PDE4B: variants seen among roughly 807,000 people sequenced by gnomAD.
PDE4B encodes 3',5'-cyclic-AMP phosphodiesterase 4B.
In PDE4B, 20 loss-of-function variants were observed where a neutral mutation model predicts 82.2. The ratio of observed to expected loss-of-function variants is 0.24; its 90% CI spans 0.17 to 0.35. The LOEUF is 0.35. Among genes scored for constraint, PDE4B ranks in the 10% least tolerant of loss-of-function variants. PDE4B has a pLI of 1.00. For synonymous variants in PDE4B, 320 were observed against 318.9 expected, an observed-to-expected ratio of 1.00 and a Z score of -0.04; for missense variants, 655 against 907.2, an observed-to-expected ratio of 0.72 and a Z score of 3.57.
At chr1:66,037,949 G>A (rs1161560913) in intron 3 of PDE4B, among the ~76,000 whole-genome samples, 1 of 151,930 alleles carries the variant, frequency 6.6e-6, no homozygotes, top group Non-Finnish European at 1.5e-5. Context: ...ATTAGAAATG[G>A]AAGATATTAA....
intron 3 of PDE4B, among the ~76,000 whole-genome samples, chr1:66,101,587 G>C (rs1244191577): frequency 6.6e-6 from 1 of 152,152 alleles, no homozygotes; most frequent in Non-Finnish European, 1.5e-5. Flanking sequence ...GGCCAGTGAT[G>C]ATGAGCATTT....
intron 3 of PDE4B, among the ~76,000 whole-genome samples, chr1:66,067,024 T>C (rs145327980): frequency 6.6e-6 from 1 of 152,028 alleles, no homozygotes; most frequent in South Asian, 2.1e-4. Flanking sequence ...CAACAAAAAG[T>C]AGATTGCTGA....
chr1:66,332,269 C>T (rs993547759), intron 7 of PDE4B: 41 of 1,487,486 alleles, frequency 2.8e-5, no homozygotes, highest in Admixed American at 4.6e-5. Context: ...GGTAGATCAC[C>T]GACACCTCAT....
chr1:66,364,258 A>G (rs1255026855), intron 12 of PDE4B, among the ~76,000 whole-genome samples: 3 of 152,208 alleles, frequency 2.0e-5, no homozygotes, highest in Non-Finnish European at 4.4e-5. Flanking sequence ...GTCTCCTAAA[A>G]AATTATAAAA....
chr1:66,346,224 A>G (rs1292842330), intron 8 of PDE4B, among the ~76,000 whole-genome samples: 1 of 152,240 alleles, frequency 6.6e-6, no homozygotes, highest in South Asian at 2.1e-4. Flanking sequence ...TGAGCCACAT[A>G]TTCAATTAAT....
At position 66,363,432 on chromosome 1, in the gene PDE4B, GA is replaced by G; in HGVS notation, c.1147del (p.Ile383SerfsTer7). 1 of 1,613,180 alleles carries G rather than the reference GA, an allele frequency of 6.2e-7. No homozygotes were observed. The highest frequency in any genetic ancestry group is 8.5e-7 in the Non-Finnish European group (1 of 1,179,430). On this transcript the variant is annotated frameshift_variant, in exon 12 of 17. Coordinates refer to ENST00000341517, the MANE Select transcript of PDE4B (RefSeq NM_002600.4). LOFTEE classifies it high-confidence loss of function. ...GAAAGAGACCTCCTAAAGACATTCA[GA>G]ATCTCATCTGACACATTTATAACCT... Reference protein sequence around the residue: ...FQERDLLKTFRISSDTFITYM... With the variant: ...FQERDLLKTFXISSDTFITYM...
chr1:65,859,595 A>G (rs1302840489), intron 1 of PDE4B, among the ~76,000 whole-genome samples: 1 of 152,114 alleles, frequency 6.6e-6, no homozygotes, highest in African/African-American at 2.4e-5. Context: ...AAAATGAACG[A>G]TTGGTCGTCA....
chr1:66,046,803 CT>C (rs1440072484), intron 3 of PDE4B, among the ~76,000 whole-genome samples: 5 of 151,950 alleles, frequency 3.3e-5, no homozygotes, highest in Admixed American at 6.6e-5. Flanking sequence ...TATTATCCCC[CT>C]CTGCTATTCA....
At chr1:66,311,737 T>C (rs1381952057) in intron 7 of PDE4B, among the ~76,000 whole-genome samples, 2 of 152,236 alleles carry the variant, frequency 1.3e-5, no homozygotes, top group Non-Finnish European at 2.9e-5. Flanking sequence ...CCAGCATCAT[T>C]TTCTCATTTC....
At chr1:65,982,775 G>T (rs570652181) in intron 3 of PDE4B, among the ~76,000 whole-genome samples, 1 of 152,196 alleles carries the variant, frequency 6.6e-6, no homozygotes, top group Non-Finnish European at 1.5e-5. Flanking sequence ...CAGGAAATGG[G>T]TTGATTGAAC....
chr1:66,131,060 G>A (rs1440657218), intron 3 of PDE4B, among the ~76,000 whole-genome samples: 1 of 152,142 alleles, frequency 6.6e-6, no homozygotes, highest in East Asian at 1.9e-4. Context: ...GGTTGGAAAT[G>A]GCCCTTATAA....
At chr1:66,054,960 T>C (rs1464799058) in intron 3 of PDE4B, among the ~76,000 whole-genome samples, 1 of 152,194 alleles carries the variant, frequency 6.6e-6, no homozygotes, top group Non-Finnish European at 1.5e-5. Flanking sequence ...GAGAAATCAG[T>C]GTAAACTAGT....
At chr1:66,169,126 T>A (rs1646791481) in intron 3 of PDE4B, among the ~76,000 whole-genome samples, 1 of 152,248 alleles carries the variant, frequency 6.6e-6, no homozygotes, top group African/African-American at 2.4e-5. Flanking sequence ...TACATTTTAC[T>A]CAGAAATCCA....
chr1:66,316,890 A>G (rs1462716682), intron 7 of PDE4B, among the ~76,000 whole-genome samples: 1 of 152,210 alleles, frequency 6.6e-6, no homozygotes, highest in Non-Finnish European at 1.5e-5. Context: ...AGTTCAGTTA[A>G]GTGACGTAGT....
intron 1 of PDE4B, among the ~76,000 whole-genome samples, chr1:65,852,892 A>G (rs1472375908): frequency 1.3e-5 from 2 of 152,072 alleles, no homozygotes; most frequent in Non-Finnish European, 2.9e-5. Context: ...ATAAATGTCA[A>G]TTGGGTAAAT....
intron 3 of PDE4B, among the ~76,000 whole-genome samples, chr1:66,031,859 G>A (rs923152546): frequency 1.3e-5 from 2 of 152,142 alleles, no homozygotes; most frequent in Non-Finnish European, 2.9e-5. Context: ...TGTTTAAGTG[G>A]AGCTGCTTGG....
chr1:66,265,138 C>T (rs913802480), intron 6 of PDE4B, among the ~76,000 whole-genome samples: 2 of 152,188 alleles, frequency 1.3e-5, no homozygotes, highest in Non-Finnish European at 2.9e-5. Context: ...TAAGGGCAAA[C>T]TTTTAAGCCC....
chr1:66,302,840 G>C (rs964568707), intron 7 of PDE4B, among the ~76,000 whole-genome samples: 3 of 152,100 alleles, frequency 2.0e-5, no homozygotes, highest in Non-Finnish European at 4.4e-5. Flanking sequence ...CATAGACACT[G>C]GTGCTCTTCT....
In PDE4B at chr1:66,339,036, AAG is replaced by A. The variant is rs1660757934; in HGVS notation, c.747+6420_747+6421del. Among the ~76,000 whole-genome samples, 6 of 151,830 alleles carry A rather than the reference AAG, an allele frequency of 4.0e-5. No individual in the cohort carries two copies. In the South Asian group the frequency reaches 1.2e-3, roughly 32 times the overall value. ...TCCGTCTCAAAAAAAAAAAAAAAAA[AAG>A]AGATAAGTTATTCTTATTTTTTAAT... On this transcript the variant is annotated intron_variant, in intron 8 of 16. Coordinates refer to ENST00000341517, the MANE Select transcript of PDE4B (RefSeq NM_002600.4).
Sources: allele counts gnomAD v4.1 joint callset (sites outside exome capture counted in the v4.1 genomes callset), GRCh38; gene constraint gnomAD v4.1.1; transcripts MANE v1.5; gene names NCBI Gene and HGNC (gene_info 2026-07-23, HGNC 2026-07-21).